Variants in SMURF1 observed in about 807,000 individuals in gnomAD.
The protein encoded by SMURF1 is SMAD specific E3 ubiquitin protein ligase 1.
SMURF1 carries 44 observed loss-of-function variants against 98.0 expected under a neutral mutation model. The ratio of observed to expected loss-of-function variants is 0.45; its 90% CI spans 0.35 to 0.58. The LOEUF (loss-of-function observed/expected upper bound fraction) is 0.58, where lower values mean the gene tolerates loss of function less well. SMURF1 is among the 20% of genes least tolerant of loss of function. SMURF1 has a pLI of 0.00. For synonymous variants in SMURF1, 396 were observed against 374.9 expected (o/e 1.06, Z -0.65); for missense variants, 687 against 938.4 (o/e 0.73, Z 3.50).
At chr7:99,095,048 C>T (rs1426104177) in intron 1 of SMURF1, among the ~76,000 whole-genome samples, 2 of 149,722 alleles carry the variant, frequency 1.3e-5, no homozygotes, top group African/African-American at 4.9e-5. Context: ...GCCAGGTTTC[C>T]ATGTTGCTGT....
chr7:99,039,193 CAAAAAAA>C (rs34106810), intron 13 of SMURF1, among the ~76,000 whole-genome samples: 7 of 60,472 alleles, frequency 1.2e-4, no homozygotes, highest in South Asian at 6.5e-4. Context: ...GACTCTGTCT[CAAAAAAA>C]AAAAAAAAAA....
chr7:99,057,600 G>GTTTTTTTTTTTTT, intron 3 of SMURF1, 49 bp from the exon 4 acceptor site: 1 of 1,423,770 alleles, frequency 7.0e-7, no homozygotes, highest in Non-Finnish European at 9.2e-7. Flanking sequence ...GGTTTTTTTT[G>GTTTTTTTTTTTTT]TTTTGTTTTT....
At position 99,143,824 on chromosome 7, in the gene SMURF1, C is replaced by T. The variant is rs1798207682; in HGVS notation, c.-44G>A. 4 of 1,506,484 alleles carry T rather than the reference C, an allele frequency of 2.7e-6. No homozygotes were observed. Among genetic ancestry groups the T allele is most frequent in the South Asian group, 1.2e-5 (1 of 81,102 alleles). The allele number at this position is 1,506,484 out of a possible 1,614,324, so 93.3% of individuals were successfully genotyped here. A position where few individuals can be genotyped will look rare whatever the true frequency, so the allele number is the denominator to read the frequency against. ...CAGCCGCGGATCCAGCGCCACCGCCCCCCAGCCCGGCCCGGCCCGGCCCCG... is the reference window on the plus strand; with the variant it reads ...CAGCCGCGGATCCAGCGCCACCGCCTCCCAGCCCGGCCCGGCCCGGCCCCG... On this transcript the variant is annotated 5_prime_UTR_variant, in exon 1 of 18. Transcript: ENST00000361368.
chr7:99,061,652 C>T (rs138755244), intron 2 of SMURF1, 147 bp downstream of exon 2: 12 of 529,154 alleles, frequency 2.3e-5, no homozygotes, highest in Admixed American at 1.1e-4. Flanking sequence ...TGTAGTCAAC[C>T]GGGAAATAAA....
At chr7:99,102,602 G>A (rs537969015) in intron 1 of SMURF1, among the ~76,000 whole-genome samples, 22 of 151,514 alleles carry the variant, frequency 1.5e-4, no homozygotes, top group Non-Finnish European at 3.1e-4. Context: ...CACTGACTGT[G>A]AAGAAATGTT....
chr7:99,133,864 T>A (rs1797927508), intron 1 of SMURF1, among the ~76,000 whole-genome samples: 1 of 152,052 alleles, frequency 6.6e-6, no homozygotes, highest in Non-Finnish European at 1.5e-5. Flanking sequence ...TACGGATAAA[T>A]CTCACAAAAA....
chr7:99,134,130 C>T (rs1417766690), intron 1 of SMURF1, among the ~76,000 whole-genome samples: 1 of 145,786 alleles, frequency 6.9e-6, no homozygotes, highest in East Asian at 2.0e-4. Flanking sequence ...GACAGGGTCT[C>T]GCTCTGTAAG....
rs537091755 is a variant in SMURF1 at position 99,076,827 on chromosome 7, G to A, written c.56-14990C>T. ...TGTGTGCAAGTGTGCATGTGTGCAC[G>A]TGTGCCCATGTGTATGTGTGTGCAC... On this transcript the variant is annotated intron_variant, in intron 1 of 17. Coordinates refer to ENST00000361368, the MANE Select transcript of SMURF1 (RefSeq NM_181349.3). 2.3e-5 allele frequency among the ~76,000 whole-genome samples: 3 copies of A among 128,864 alleles called. No individual in the cohort carries two copies. In the South Asian group the frequency reaches 7.5e-4, roughly 32 times the overall value. 84.5% of individuals were successfully genotyped at this position (128,864 alleles called of 152,430 possible). A position where few individuals can be genotyped will look rare whatever the true frequency, so the allele number is the denominator to read the frequency against.
At chr7:99,091,111 T>G (rs2150578509) in intron 1 of SMURF1, among the ~76,000 whole-genome samples, 1 of 152,322 alleles carries the variant, frequency 6.6e-6, no homozygotes, top group South Asian at 2.1e-4. Context: ...TTTCAGAAGC[T>G]TGCCAGCCTC....
At chr7:99,068,498 A>C (rs1477355836) in intron 1 of SMURF1, among the ~76,000 whole-genome samples, 1 of 152,112 alleles carries the variant, frequency 6.6e-6, no homozygotes, top group African/African-American at 2.4e-5. Context: ...ACAAGGTCTC[A>C]CTATGTTGCC....
At chr7:99,074,691 A>G (rs1328312946) in intron 1 of SMURF1, among the ~76,000 whole-genome samples, 1 of 152,094 alleles carries the variant, frequency 6.6e-6, no homozygotes, top group African/African-American at 2.4e-5. Context: ...TCTAGAATAA[A>G]GAACTCTACA....
intron 1 of SMURF1, among the ~76,000 whole-genome samples, chr7:99,127,557 G>T (rs1314035286): frequency 6.6e-6 from 1 of 152,082 alleles, no homozygotes; most frequent in Non-Finnish European, 1.5e-5. Context: ...TTAAAAAAAA[G>T]AACAGCTCTT....
At chr7:99,076,417 G>T (rs1429497399) in intron 1 of SMURF1, among the ~76,000 whole-genome samples, 1 of 152,158 alleles carries the variant, frequency 6.6e-6, no homozygotes, top group Non-Finnish European at 1.5e-5. Context: ...TCACTTCTGT[G>T]GTCTTCCTCT....
rs73709552 is a variant in SMURF1, at chr7:99,116,605, C to T, written c.55+27121G>A. Among the ~76,000 whole-genome samples, 423 of 152,220 alleles carry T rather than the reference C, an allele frequency of 2.8e-3. 1 individual carries two copies. Among genetic ancestry groups the T allele is most frequent in the African/African-American group, 1.0e-2 (414 of 41,536 alleles). ...CAAAAATGAAATTCAGAAGAGAATT[C>T]CATCTACATTAGCATCAAAGAGAAT... On this transcript the variant is annotated intron_variant, in intron 1 of 17. Transcript: ENST00000361368.
intron 7 of SMURF1, 71 bp downstream of exon 7, chr7:99,052,132 CAA>C (rs371032343): frequency 1.0e-2 from 12,560 of 1,258,438 alleles, no homozygotes; most frequent in South Asian, 0.027. Flanking sequence ...GACCTTGTCT[CAA>C]AAAAAAAAAA....
At chr7:99,126,161 T>C (rs1441701766) in intron 1 of SMURF1, among the ~76,000 whole-genome samples, 1 of 152,200 alleles carries the variant, frequency 6.6e-6, no homozygotes, top group South Asian at 2.1e-4. Context: ...TCCTCTCTAT[T>C]GACTGTAGTA....
intron 1 of SMURF1, among the ~76,000 whole-genome samples, chr7:99,113,795 T>C (rs112520659): frequency 0.026 from 3,155 of 121,400 alleles, 138 homozygotes; most frequent in African/African-American, 0.095. Context: ...GCCGAGATCA[T>C]GCCACTGCAC....
At chr7:99,086,697 G>A (rs1035031425) in intron 1 of SMURF1, among the ~76,000 whole-genome samples, 20 of 152,092 alleles carry the variant, frequency 1.3e-4, no homozygotes, top group African/African-American at 3.6e-4. Flanking sequence ...TAAACAAACC[G>A]CAGCAAATCC....
intron 11 of SMURF1, 46 bp from the exon 12 acceptor site, chr7:99,042,278 T>G (rs1386193508): frequency 7.3e-6 from 10 of 1,373,116 alleles, no homozygotes; most frequent in Non-Finnish European, 9.2e-6. Flanking sequence ...CTAAAATTTC[T>G]ACATTTTTTT....
Sources: gnomAD v4.1 joint callset for allele counts (sites outside exome capture counted in the v4.1 genomes callset) on GRCh38, gnomAD v4.1.1 for gene constraint, MANE v1.5 for transcripts, NCBI Gene and HGNC (gene_info 2026-07-23, HGNC 2026-07-21) for gene names.